The following RAP1GAP2 variants were observed in gnomAD, a reference collection of about 807,000 sequenced individuals.
RAP1GAP2 encodes RAP1 GTPase activating protein 2, also known as rap1 GTPase-activating protein 2.
RAP1GAP2 carries 27 observed loss-of-function variants against 95.0 expected under a neutral mutation model. The ratio of observed to expected loss-of-function variants is 0.28; its 90% confidence interval spans 0.21 to 0.39. RAP1GAP2 has a LOEUF of 0.39. Among genes scored for constraint, RAP1GAP2 ranks in the 10% least tolerant of loss-of-function variants. The probability of loss-of-function intolerance (pLI) is 1.00; values close to 1 mark genes in which losing one functional copy is unlikely to be tolerated. For missense variants in RAP1GAP2, 771 were observed against 970.0 expected (o/e 0.79, Z 2.72); for synonymous variants, 373 against 380.9 (o/e 0.98, Z 0.24).
At chr17:2,958,944 A>G (rs779535796) in intron 4 of RAP1GAP2, among the ~76,000 whole-genome samples, 5 of 152,120 alleles carry the variant, frequency 3.3e-5, no homozygotes, top group Non-Finnish European at 7.3e-5. Flanking sequence ...AGCAGCGTGT[A>G]GATGACAGAC....
rs370731498 is a variant in RAP1GAP2 at position 3,004,863 on chromosome 17, G to A, written c.1201-506G>A. Among the ~76,000 whole-genome samples, 10 of 152,208 alleles carry A rather than the reference G, an allele frequency of 6.6e-5. No individual in the cohort carries two copies. Among genetic ancestry groups the A allele is most frequent in the Non-Finnish European group, 1.2e-4 (8 of 68,038 alleles). On this transcript the variant is annotated intron_variant, in intron 14 of 24. Coordinates refer to ENST00000254695, the MANE Select transcript of RAP1GAP2 (RefSeq NM_015085.5). This position sits in a 1 kb window ranked among gnomAD's most constrained non-coding sequence, Gnocchi z 4.1. ...TTTGAAGCAATTCTGATTTATGGCC[G>A]AGCTGAGGAGTCAGGCTTGGGAAGA... is the stretch of plus-strand genomic sequence containing the variant.
rs750591871 is a variant in RAP1GAP2, at chr17:2,980,347, T to C, written c.657T>C (p.Ser219=). The C allele has an allele frequency of 1.9e-6, 3 of 1,613,816 alleles. No individual in the cohort carries two copies. In the African/African-American group the frequency reaches 4.0e-5, roughly 22 times the overall value. The part of the protein sequence containing the change: ...IPLAGLSKLP[S]VPQIAKAFCD... ...TGGCTGGACTGAGCAAGCTTCCCAG[T>C]GTCCCTCAGATTGCAAAGGTGAGAA... Residue 219 remains serine, a synonymous_variant, in exon 9 of 25, where the codon AGT becomes AGC. Coordinates refer to ENST00000254695, the MANE Select transcript of RAP1GAP2 (RefSeq NM_015085.5).
At chr17:2,990,013 T>C (rs2151561371) in intron 11 of RAP1GAP2, among the ~76,000 whole-genome samples, 1 of 152,376 alleles carries the variant, frequency 6.6e-6, no homozygotes, top group East Asian at 1.9e-4. Context: ...GTGTCTGGTT[T>C]CTTTCACTCA....
At position 2,963,591 on chromosome 17, in the gene RAP1GAP2, T is replaced by C; in HGVS notation, c.279+129T>C. The C allele has an allele frequency of 7.9e-7, 1 of 1,260,138 alleles. No homozygotes were observed. The highest frequency in any genetic ancestry group is 1.3e-5 in the South Asian group (1 of 79,138). The allele number at this position is 1,260,138 out of a possible 1,614,324, so 78.1% of individuals were successfully genotyped here. Reference sequence around the variant, plus strand: ...ACCTTGGGCCTGGGACCTCTCTTCCTGTCTTTGCCTTTGTAACCTCAGCTT... The same window carrying C: ...ACCTTGGGCCTGGGACCTCTCTTCCCGTCTTTGCCTTTGTAACCTCAGCTT... On this transcript the variant is annotated intron_variant, in intron 6 of 24. Transcript: ENST00000254695. This position sits in a 1 kb window ranked among gnomAD's most constrained non-coding sequence, Gnocchi z 4.8.
Position 2,963,818 on chromosome 17 carries a change from G to A in RAP1GAP2, c.280-38G>A, listed in dbSNP as rs368115008. 1.1e-5 allele frequency: 17 copies of A among 1,502,824 alleles called. 1 individual carries two copies. Among genetic ancestry groups the A allele is most frequent in the South Asian group, 1.0e-4 (8 of 78,776 alleles). The allele number at this position is 1,502,824 out of a possible 1,614,324, so 93.1% of individuals were successfully genotyped here. A position where few individuals can be genotyped will look rare whatever the true frequency, so the allele number is the denominator to read the frequency against. The stretch of plus-strand genomic sequence containing the variant: ...GCCACCGGCCCCCTCCCTCCCCTGC[G>A]GTCCCAGGGGAGCGCACGACCCTCC... On this transcript the variant is annotated intron_variant, in intron 6 of 24. Transcript: ENST00000254695. The surrounding 1 kb of genome is among the most constrained non-coding windows in gnomAD (Gnocchi z 4.8).
intron 2 of RAP1GAP2, among the ~76,000 whole-genome samples, chr17:2,842,606 C>T (rs896847238): frequency 3.3e-5 from 5 of 151,928 alleles, no homozygotes; most frequent in Non-Finnish European, 7.4e-5. Flanking sequence ...TTTTGGAGCC[C>T]TCCCCTCCCT....
chr17:2,770,810 G>A lies in RAP1GAP2; in HGVS notation c.167+365G>A, dbSNP rs527916227. Among the ~76,000 whole-genome samples, 54 of 152,314 alleles carry A rather than the reference G, an allele frequency of 3.5e-4. 2 individuals carry two copies. In the South Asian group the frequency reaches 0.011, roughly 30 times the overall value. On this transcript the variant is annotated intron_variant, in intron 2 of 25. Coordinates refer to the RAP1GAP2 transcript ENST00000637138. ...AATCCCAGCACTTTGGGAGGCTGAG[G>A]TGGGTGGATCACTTGAGGTCAGGAG...
At chr17:2,991,999 C>T (rs527726292) in intron 12 of RAP1GAP2, among the ~76,000 whole-genome samples, 1 of 152,072 alleles carries the variant, frequency 6.6e-6, no homozygotes, top group South Asian at 2.1e-4. Context: ...CTCTTGAGCT[C>T]AGGCAATCCA....
chr17:2,826,658 A>G (rs976784897), intron 2 of RAP1GAP2, among the ~76,000 whole-genome samples: 5 of 151,988 alleles, frequency 3.3e-5, no homozygotes, highest in African/African-American at 4.8e-5. Context: ...GGGCCAGGCT[A>G]GGGTCCTAAG....
In RAP1GAP2 at chr17:2,758,160, C is replaced by T. The variant is rs373807787; in HGVS notation, c.50+2393C>T. On this transcript the variant is annotated intron_variant, in intron 1 of 25. Transcript: ENST00000637138. ...CTGGGATTACAGGCGTGAGCCACCA[C>T]GCCTGGCCACGCCCCCCCCCCTTTT... is the stretch of plus-strand genomic sequence containing the variant. Among the ~76,000 whole-genome samples the T allele has an allele frequency of 6.7e-5, 10 of 148,186 alleles. No individual in the cohort carries two copies. In the East Asian group the frequency reaches 1.4e-3, roughly 21 times the overall value.
chr17:3,002,898 G>GT (rs1491433600), intron 14 of RAP1GAP2, among the ~76,000 whole-genome samples: 1 of 151,632 alleles, frequency 6.6e-6, no homozygotes, highest in Admixed American at 6.6e-5. Flanking sequence ...GCGTGCTTGG[G>GT]TGTGTGTGTG....
Position 2,879,335 on chromosome 17 carries a change from C to G in RAP1GAP2, c.81-25949C>G, listed in dbSNP as rs371290869. ...TTCACCATGTTGGCCAGGCTGGTTT[C>G]GAACTACTGACCTCAAGTGATCCAC... On this transcript the variant is annotated intron_variant, in intron 2 of 24. Transcript: ENST00000254695. 8.7e-5 allele frequency among the ~76,000 whole-genome samples: 13 copies of G among 148,738 alleles called. No homozygotes were observed. The East Asian group carries it at 2.2e-3, about 25-fold the overall frequency.
chr17:2,798,488 C>T (rs1389689537), intron 1 of RAP1GAP2, among the ~76,000 whole-genome samples: 2 of 152,142 alleles, frequency 1.3e-5, no homozygotes, highest in Non-Finnish European at 2.9e-5. Flanking sequence ...GTTTGGGCCT[C>T]CTCATCTGGG....
At chr17:2,996,185 C>T (rs1163284728) in intron 13 of RAP1GAP2, among the ~76,000 whole-genome samples, 1 of 152,152 alleles carries the variant, frequency 6.6e-6, no homozygotes, top group Non-Finnish European at 1.5e-5. Context: ...TCTCACCACA[C>T]CTGTGGGAAT....
intron 3 of RAP1GAP2, among the ~76,000 whole-genome samples, chr17:2,942,238 A>G (rs1392087955): frequency 6.6e-6 from 1 of 152,146 alleles, no homozygotes; most frequent in African/African-American, 2.4e-5. Context: ...GAAAGTGCCC[A>G]GTTCAGTGCC....
At chr17:2,852,851 CA>C (rs2071923328) in intron 2 of RAP1GAP2, among the ~76,000 whole-genome samples, 3 of 152,194 alleles carry the variant, frequency 2.0e-5, no homozygotes, top group Non-Finnish European at 4.4e-5. Flanking sequence ...GACCAGGCCA[CA>C]GCCCTTTCCC....
At chr17:2,874,064 C>T in intron 2 of RAP1GAP2, among the ~76,000 whole-genome samples, 1 of 152,220 alleles carries the variant, frequency 6.6e-6, no homozygotes, top group East Asian at 1.9e-4. Context: ...GCATGAGCCA[C>T]TGCACCTGGC....
intron 7 of RAP1GAP2, chr17:2,964,484 G>A: frequency 4.7e-6 from 1 of 214,070 alleles, no homozygotes; most frequent in Admixed American, 5.5e-5. Context: ...TAGTTGGAGA[G>A]GTCTGAGGGC....
intron 2 of RAP1GAP2, among the ~76,000 whole-genome samples, chr17:2,834,075 T>A (rs749859233): frequency 1.2e-4 from 19 of 152,142 alleles, no homozygotes; most frequent in Non-Finnish European, 2.5e-4. Context: ...TGCAGCATGG[T>A]CTTTTGCTGA....
Sources: allele counts gnomAD v4.1 joint callset (sites outside exome capture counted in the v4.1 genomes callset), GRCh38; gene constraint gnomAD v4.1.1; non-coding constraint Gnocchi (gnomAD v3.1); transcripts MANE v1.5; gene names NCBI Gene and HGNC (gene_info 2026-07-23, HGNC 2026-07-21).